Variants in INSL6 observed in about 807,000 individuals in gnomAD.
INSL6 encodes the protein insulin like 6.
Under a neutral mutation model 9.4 loss-of-function variants are expected in INSL6, and 16 were observed. The ratio of observed to expected loss-of-function variants is 1.70; its 90% CI spans 1.15 to 2.59. The LOEUF (loss-of-function observed/expected upper bound fraction) is 2.59, where lower values mean the gene tolerates loss of function less well. Ranked by LOEUF, INSL6 falls within the 30% of genes most tolerant of loss-of-function variation. The pLI is 0.00. For synonymous variants in INSL6, 154 were observed against 96.9 expected, an observed-to-expected ratio of 1.59 and a Z score of -3.46; for missense variants, 391 against 257.3, an observed-to-expected ratio of 1.52 and a Z score of -3.56.
chr9:5,027,533 T>C, the INSL6 span, among the ~76,000 whole-genome samples: 7 of 152,140 alleles, frequency 4.6e-5, no homozygotes, highest in Non-Finnish European at 1.0e-4. Context: ...TATGGCAATA[T>C]CTTAAAATAA....
chr9:5,178,064 C>T (rs571534547), intron 1 of INSL6, among the ~76,000 whole-genome samples: 3 of 152,236 alleles, frequency 2.0e-5, no homozygotes, highest in African/African-American at 2.4e-5. Context: ...TTAGTAGAGA[C>T]AGGGTTTGCC....
At chr9:5,082,229 A>G in the INSL6 span, among the ~76,000 whole-genome samples, 3 of 152,216 alleles carry the variant, frequency 2.0e-5, no homozygotes, top group Non-Finnish European at 4.4e-5. Flanking sequence ...TGTTTTCACT[A>G]TCTCAGCAAG....
intron 1 of INSL6, among the ~76,000 whole-genome samples, chr9:5,174,037 C>T (rs565081341): frequency 2.0e-5 from 3 of 152,342 alleles, no homozygotes; most frequent in South Asian, 4.1e-4. Flanking sequence ...GAACTATACA[C>T]TCTAAAGCCA....
chr9:5,094,680 GA>G, the INSL6 span: 1 of 152,136 alleles, frequency 6.6e-6, no homozygotes, highest in Admixed American at 6.5e-5. Flanking sequence ...AACAGAAAGA[GA>G]ATCAGAACTA....
chr9:5,025,615 C>T, the INSL6 span, among the ~76,000 whole-genome samples: 2 of 151,756 alleles, frequency 1.3e-5, no homozygotes, highest in South Asian at 2.1e-4. Context: ...CACACTGCCA[C>T]CTCCGCCTTC....
the INSL6 span, among the ~76,000 whole-genome samples, chr9:5,018,166 C>T: frequency 2.0e-5 from 3 of 151,740 alleles, no homozygotes; most frequent in Non-Finnish European, 4.4e-5. Context: ...TCTGTAGGTC[C>T]TTTGTTCTTT....
chr9:5,119,244 A>G (rs1823433607), downstream of INSL6, among the ~76,000 whole-genome samples: 1 of 152,126 alleles, frequency 6.6e-6, no homozygotes, highest in South Asian at 2.1e-4. Flanking sequence ...CACTAAATAT[A>G]TTAATAATAT....
the INSL6 span, among the ~76,000 whole-genome samples, chr9:5,009,517 T>A: frequency 2.5e-4 from 38 of 152,282 alleles, no homozygotes; most frequent in African/African-American, 9.1e-4. Context: ...TTTCAAAATA[T>A]TCTTAAATCT....
the INSL6 span, among the ~76,000 whole-genome samples, chr9:5,025,948 C>T: frequency 6.6e-6 from 1 of 152,212 alleles, no homozygotes; most frequent in African/African-American, 2.4e-5. Context: ...GTTGTTCTAG[C>T]ACTCTTTGTC....
At chr9:5,027,471 A>T in the INSL6 span, among the ~76,000 whole-genome samples, 9 of 152,296 alleles carry the variant, frequency 5.9e-5, no homozygotes, top group Middle Eastern at 3.4e-3. Flanking sequence ...TCTTGCCTTG[A>T]TGTTGATGGC....
At chr9:5,041,335 G>C in the INSL6 span, 1 of 687,374 alleles carries the variant, frequency 1.5e-6, no homozygotes, top group Non-Finnish European at 2.6e-6. Flanking sequence ...ACAAGAGCTT[G>C]ACAGGTACGG....
the INSL6 span, chr9:5,069,081 C>T: frequency 3.0e-5 from 48 of 1,609,756 alleles, no homozygotes; most frequent in Middle Eastern, 1.7e-4. Context: ...ATGAAGAGTA[C>T]AACCTCAGTG....
At chr9:5,007,133 AAG>A in the INSL6 span, among the ~76,000 whole-genome samples, 1 of 151,808 alleles carries the variant, frequency 6.6e-6, no homozygotes, top group South Asian at 2.1e-4. Flanking sequence ...TTCTGCTCTT[AAG>A]TACTTTCATT....
chr9:5,087,157 C>T, the INSL6 span, among the ~76,000 whole-genome samples: 2 of 152,118 alleles, frequency 1.3e-5, no homozygotes, highest in Admixed American at 6.5e-5. Context: ...AAGACATACC[C>T]GAGACTGGGT....
At chr9:5,034,509 G>A in the INSL6 span, among the ~76,000 whole-genome samples, 32 of 152,064 alleles carry the variant, frequency 2.1e-4, no homozygotes, top group African/African-American at 7.0e-4. Context: ...CTCAGCAAGT[G>A]TAAAAGAACA....
intron 1 of INSL6, among the ~76,000 whole-genome samples, chr9:5,181,040 T>A (rs888773157): frequency 7.9e-5 from 12 of 152,196 alleles, no homozygotes; most frequent in African/African-American, 2.9e-4. Flanking sequence ...AAAATTCCTT[T>A]CTTTGTACTC....
chr9:5,086,765 T>C, the INSL6 span, among the ~76,000 whole-genome samples: 3 of 152,246 alleles, frequency 2.0e-5, no homozygotes, highest in Non-Finnish European at 4.4e-5. Flanking sequence ...AAATGCCTTC[T>C]TTTTGATATC....
rs1586884373 is a variant in INSL6, at chr9:5,185,548, A to G, written c.55T>C (p.Phe19Leu). 2 of 1,613,880 alleles carry G rather than the reference A, an allele frequency of 1.2e-6. No homozygotes were observed. The highest frequency in any genetic ancestry group is 1.7e-6 in the Non-Finnish European group (2 of 1,179,972). Reference protein sequence around the residue: ...LLWLGLLLVRFSRELSDISSA... With the variant: ...LLWLGLLLVRLSRELSDISSA... ...CTGATGTCGCTCAGTTCACGAGAAA[A>G]CCGAACCAGCAGGAGTCCAAGCCAC... The change falls in exon 1 of 2, where the codon TTT becomes CTT. Residue 19 changes from phenylalanine (F) to leucine (L), a missense_variant. Physicochemically the swap from Phe to Leu is conservative, Grantham distance 22 (BLOSUM62 0). Transcript: ENST00000381641.
At chr9:5,022,332 G>C in the INSL6 span, 1 of 625,196 alleles carries the variant, frequency 1.6e-6, no homozygotes, top group Non-Finnish European at 2.6e-6. Context: ...TATGGCTGGC[G>C]TGTGTGTTTT....
Sources: gnomAD v4.1 joint callset for allele counts (sites outside exome capture counted in the v4.1 genomes callset) on GRCh38, gnomAD v4.1.1 for gene constraint, MANE v1.5 for transcripts, NCBI Gene and HGNC (gene_info 2026-07-23, HGNC 2026-07-21) for gene names.